The following CD244 variants were observed in gnomAD, a reference collection of about 807,000 sequenced individuals.
CD244 encodes the protein natural killer cell receptor 2B4.
CD244 carries 20 observed loss-of-function variants against 45.5 expected under a neutral mutation model. The observed-to-expected ratio is 0.44, with a 90% CI of 0.31 to 0.64. The LOEUF is 0.64. Ranked by LOEUF, CD244 falls within the 30% of genes least tolerant of loss-of-function variation. The pLI is 0.08. For missense variants in CD244, 407 were observed against 426.9 expected, an observed-to-expected ratio of 0.95 and a Z score of 0.41; for synonymous variants, 185 against 160.5, an observed-to-expected ratio of 1.15 and a Z score of -1.15.
chr1:160,834,255 A>G (rs983016509), intron 6 of CD244, 139 bp from the exon 7 acceptor site: 52 of 638,078 alleles, frequency 8.1e-5, no homozygotes, highest in Non-Finnish European at 8.4e-5. Context: ...TGGACTAGCC[A>G]GGAGGTCAGA....
chr1:160,843,828 G>A (rs1427651590), intron 1 of CD244, among the ~76,000 whole-genome samples: 1 of 152,220 alleles, frequency 6.6e-6, no homozygotes, highest in African/African-American at 2.4e-5. Context: ...GTTGTTCCCT[G>A]GAGGCATCTT....
chr1:160,832,868 G>GTGTATATATATATATATACATC, intron 7 of CD244: 1 of 315,790 alleles, frequency 3.2e-6, no homozygotes, highest in South Asian at 2.8e-5. Flanking sequence ...GTGTGTGTGT[G>GTGTATATATATATATATACATC]TGTATATATA....
chr1:160,831,293 C>T lies in CD244; in HGVS notation c.*54G>A. The T allele has an allele frequency of 2.2e-6, 3 of 1,339,234 alleles. No homozygotes were observed. Among genetic ancestry groups the T allele is most frequent in the Non-Finnish European group, 3.2e-6 (3 of 929,476 alleles). 83.0% of individuals were successfully genotyped at this position (1,339,234 alleles called of 1,614,324 possible). On this transcript the variant is annotated 3_prime_UTR_variant, in exon 9 of 9. Transcript: ENST00000368034. ...GACTCCTGTGCCGTCATCCACTGTG[C>T]CAATTCCCAAAGCAGATGCTGATGT...
At chr1:160,836,154 AG>A (rs746514664) in intron 6 of CD244, 40 bp downstream of exon 6, 1 of 1,483,216 alleles carries the variant, frequency 6.7e-7, no homozygotes, top group Non-Finnish European at 9.4e-7. Flanking sequence ...AGGAAACCCC[AG>A]AGATAGGTAT....
At chr1:160,862,137 C>T (rs1670332311) in intron 1 of CD244, among the ~76,000 whole-genome samples, 1 of 152,312 alleles carries the variant, frequency 6.6e-6, no homozygotes, top group East Asian at 1.9e-4. Flanking sequence ...AGATGAGGGA[C>T]CATGCCTTCC....
intron 1 of CD244, among the ~76,000 whole-genome samples, chr1:160,859,743 C>CA (rs541327271): frequency 0.017 from 1,849 of 108,640 alleles, 23 homozygotes; most frequent in Non-Finnish European, 0.026. Context: ...CCTGTATCTA[C>CA]AAAAAAAAAA....
At chr1:160,847,017 GA>G (rs1669762185) in intron 1 of CD244, among the ~76,000 whole-genome samples, 1 of 151,812 alleles carries the variant, frequency 6.6e-6, no homozygotes, top group Non-Finnish European at 1.5e-5. Context: ...GAATCAAAAA[GA>G]TGCAGCACAA....
At chr1:160,860,108 G>C (rs1670244657) in intron 1 of CD244, among the ~76,000 whole-genome samples, 1 of 152,160 alleles carries the variant, frequency 6.6e-6, no homozygotes, top group African/African-American at 2.4e-5. Context: ...TCGGGAGGCT[G>C]AGGCAGGACA....
chr1:160,833,387 C>T (rs184393599), intron 7 of CD244, among the ~76,000 whole-genome samples: 8 of 152,308 alleles, frequency 5.3e-5, no homozygotes, highest in African/African-American at 1.9e-4. Context: ...CATGTTAAGG[C>T]TTTCTGGCTT....
Position 160,855,192 on chromosome 1 carries a change from T to C in CD244, c.61+7425A>G, listed in dbSNP as rs375110080. Reference sequence around the variant, plus strand: ...GGTTGTTGGTTTGTGGAGGCTGAGATAGTGGAACAGGGCCTTGAAAGAGAT... The same window carrying C: ...GGTTGTTGGTTTGTGGAGGCTGAGACAGTGGAACAGGGCCTTGAAAGAGAT... On this transcript the variant is annotated intron_variant, in intron 1 of 8. Coordinates refer to ENST00000368034, the MANE Select transcript of CD244 (RefSeq NM_016382.4). Among the ~76,000 whole-genome samples the C allele has an allele frequency of 1.1e-3, 160 of 152,310 alleles. No homozygotes were observed. The South Asian group carries it at 0.032, about 31-fold the overall frequency.
chr1:160,858,048 C>T (rs1370752448), intron 1 of CD244, among the ~76,000 whole-genome samples: 2 of 144,826 alleles, frequency 1.4e-5, no homozygotes, highest in East Asian at 2.0e-4. Flanking sequence ...CCCTGTCTCA[C>T]AAAAAAATAA....
chr1:160,854,538 AC>A (rs1670035730), intron 1 of CD244, among the ~76,000 whole-genome samples: 1 of 142,628 alleles, frequency 7.0e-6, no homozygotes, highest in Non-Finnish European at 1.5e-5. Flanking sequence ...GCCTGCCACC[AC>A]CCCCAGCTAT....
chr1:160,834,589 G>A (rs1055003966), intron 6 of CD244, among the ~76,000 whole-genome samples: 4 of 152,162 alleles, frequency 2.6e-5, no homozygotes, highest in African/African-American at 9.7e-5. Flanking sequence ...CTGACCTCGT[G>A]ATCCGCCCGC....
intron 1 of CD244, among the ~76,000 whole-genome samples, chr1:160,842,106 C>T (rs191643962): frequency 4.4e-4 from 67 of 152,276 alleles, no homozygotes; most frequent in African/African-American, 1.6e-3. Flanking sequence ...ATCCCATAGA[C>T]CAATAGCTAA....
intron 1 of CD244, among the ~76,000 whole-genome samples, chr1:160,845,665 G>C (rs1669707547): frequency 6.6e-6 from 1 of 152,108 alleles, no homozygotes. Context: ...AGACCAGCCT[G>C]GCCAATATGA....
intron 3 of CD244, 28 bp downstream of exon 3, chr1:160,841,182 T>C (rs1204619125): frequency 6.2e-7 from 1 of 1,611,026 alleles, no homozygotes; most frequent in Non-Finnish European, 8.5e-7. Context: ...CCTTCAGCGC[T>C]TGTTATAGCC....
intron 6 of CD244, among the ~76,000 whole-genome samples, chr1:160,835,300 CT>C (rs1319241408): frequency 2.0e-5 from 3 of 152,098 alleles, no homozygotes; most frequent in Admixed American, 2.0e-4. Context: ...GCAATGGAGA[CT>C]CAGAAACCCT....
At chr1:160,842,674 T>A (rs1279148621) in intron 1 of CD244, among the ~76,000 whole-genome samples, 2 of 152,218 alleles carry the variant, frequency 1.3e-5, no homozygotes, top group African/African-American at 4.8e-5. Context: ...TTTTGGTCAT[T>A]ACTTATTGAT....
chr1:160,855,255 G>A (rs1262069104), intron 1 of CD244, among the ~76,000 whole-genome samples: 6 of 152,192 alleles, frequency 3.9e-5, no homozygotes, highest in African/African-American at 1.4e-4. Context: ...TTGGGGAACA[G>A]GAGAAGCTGT....
Sources: allele counts gnomAD v4.1 joint callset (sites outside exome capture counted in the v4.1 genomes callset), GRCh38; gene constraint gnomAD v4.1.1; transcripts MANE v1.5; gene names NCBI Gene and HGNC (gene_info 2026-07-23, HGNC 2026-07-21).